C9orf85: variants seen among roughly 807,000 people sequenced by gnomAD.
The protein encoded by C9orf85 is chromosome 9 open reading frame 85, also known as uncharacterized protein C9orf85.
A neutral mutation model predicts 14.9 loss-of-function variants in C9orf85; 16 were observed. The ratio of observed to expected loss-of-function variants is 1.08; its 90% CI spans 0.73 to 1.63. C9orf85 has a LOEUF of 1.63. Ranked by LOEUF, C9orf85 falls within the 40% of genes most tolerant of loss-of-function variation. The pLI is 0.00. For synonymous variants in C9orf85, 45 were observed against 56.8 expected, an observed-to-expected ratio of 0.79 and a Z score of 0.93; for missense variants, 172 against 186.1, an observed-to-expected ratio of 0.92 and a Z score of 0.44.
At chr9:71,967,713 C>CTT (rs55750667) in intron 2 of C9orf85, among the ~76,000 whole-genome samples, 1,926 of 94,052 alleles carry the variant, frequency 0.02, 101 homozygotes, top group African/African-American at 0.077. Context: ...TATGACCTTT[C>CTT]TTTTTTTTTT....
At chr9:71,959,654 T>G (rs1418058318) in intron 2 of C9orf85, among the ~76,000 whole-genome samples, 3 of 152,140 alleles carry the variant, frequency 2.0e-5, no homozygotes, top group Non-Finnish European at 4.4e-5. Flanking sequence ...TTAAGTAGAG[T>G]TTTCCTTTAT....
chr9:71,971,863 AC>A (rs1822878702), intron 3 of C9orf85, among the ~76,000 whole-genome samples: 1 of 151,714 alleles, frequency 6.6e-6, no homozygotes, highest in African/African-American at 2.4e-5. Flanking sequence ...AATCCCAATT[AC>A]TCGGGAGTCT....
intron 1 of C9orf85, among the ~76,000 whole-genome samples, chr9:71,912,753 G>C (rs1004731801): frequency 1.3e-5 from 2 of 152,142 alleles, no homozygotes; most frequent in African/African-American, 4.8e-5. Flanking sequence ...ACGTGGTGAC[G>C]GGTGCCGGTA....
chr9:71,930,803 CAAAAAAAAAA>C (rs747596247), intron 1 of C9orf85, among the ~76,000 whole-genome samples: 8 of 61,038 alleles, frequency 1.3e-4, no homozygotes, highest in Admixed American at 3.5e-4. Flanking sequence ...GACCCTGTCT[CAAAAAAAAAA>C]AAAAAAAAAA....
intron 1 of C9orf85, among the ~76,000 whole-genome samples, chr9:71,913,109 C>T (rs1827557233): frequency 6.6e-6 from 1 of 152,108 alleles, no homozygotes; most frequent in Non-Finnish European, 1.5e-5. Context: ...GTCTCAAATG[C>T]AAATTTGTCA....
chr9:71,974,754 C>T (rs1395275233), downstream of C9orf85, among the ~76,000 whole-genome samples: 1 of 152,174 alleles, frequency 6.6e-6, no homozygotes, highest in Non-Finnish European at 1.5e-5. Context: ...ATTTTATCCC[C>T]TTGTTCATAG....
At chr9:71,931,758 T>C (rs1164200136) in intron 1 of C9orf85, among the ~76,000 whole-genome samples, 1 of 152,244 alleles carries the variant, frequency 6.6e-6, no homozygotes, top group Non-Finnish European at 1.5e-5. Context: ...TACTCTACAC[T>C]TGTCAGCGAT....
intron 2 of C9orf85, among the ~76,000 whole-genome samples, chr9:71,969,630 TGAG>T (rs1822804614): frequency 6.6e-6 from 1 of 152,224 alleles, no homozygotes; most frequent in African/African-American, 2.4e-5. Flanking sequence ...TTGTTTGCTT[TGAG>T]TTTAATTTAC....
At chr9:71,984,864 G>T (rs183813307), downstream of C9orf85, 8 of 152,384 alleles carry the variant, frequency 5.2e-5, no homozygotes, top group African/African-American at 1.9e-4. Flanking sequence ...ACTGGCCAGG[G>T]TGTCTCCTGA....
intron 1 of C9orf85, among the ~76,000 whole-genome samples, chr9:71,923,079 G>A (rs553504592): frequency 1.3e-5 from 2 of 152,280 alleles, no homozygotes; most frequent in Non-Finnish European, 2.9e-5. Flanking sequence ...GCAGTGAGCT[G>A]AGGTCGCGCC....
At chr9:71,916,475 G>A (rs951152525) in intron 1 of C9orf85, among the ~76,000 whole-genome samples, 2 of 151,896 alleles carry the variant, frequency 1.3e-5, no homozygotes, top group African/African-American at 4.8e-5. Flanking sequence ...ATGTTTTGCA[G>A]TTAAAAAATT....
chr9:71,933,880 C>T (rs568339794), intron 1 of C9orf85, among the ~76,000 whole-genome samples: 17 of 152,050 alleles, frequency 1.1e-4, no homozygotes, highest in African/African-American at 4.1e-4. Flanking sequence ...TTTTCTGATC[C>T]CGAATTTTTA....
intron 1 of C9orf85, among the ~76,000 whole-genome samples, chr9:71,933,623 T>C (rs1828121854): frequency 6.6e-6 from 1 of 152,190 alleles, no homozygotes; most frequent in African/African-American, 2.4e-5. Context: ...AATAGTAACT[T>C]AACACATGGC....
At chr9:71,952,395 C>T (rs377342665) in intron 2 of C9orf85, among the ~76,000 whole-genome samples, 2 of 152,172 alleles carry the variant, frequency 1.3e-5, no homozygotes, top group African/African-American at 2.4e-5. Flanking sequence ...GACGGAGTCT[C>T]GCTCTGTCGC....
At chr9:71,921,231 A>C (rs1827795529) in intron 1 of C9orf85, among the ~76,000 whole-genome samples, 1 of 152,182 alleles carries the variant, frequency 6.6e-6, no homozygotes, top group African/African-American at 2.4e-5. Flanking sequence ...TGCATTCTGT[A>C]GAGAATCTCC....
chr9:71,950,971 G>A (rs4745138), intron 2 of C9orf85, among the ~76,000 whole-genome samples: 142,417 of 152,236 alleles, frequency 0.94, 67,279 homozygotes, highest in East Asian at 1. Context: ...CCATTTGTTC[G>A]TGCGATCCAA....
intron 1 of C9orf85, chr9:71,941,667 T>A (rs1024157404): frequency 6.6e-6 from 1 of 152,154 alleles, no homozygotes; most frequent in African/African-American, 2.4e-5. Context: ...AGATAACAGA[T>A]ATACAGTACT....
intron 2 of C9orf85, among the ~76,000 whole-genome samples, chr9:71,964,177 G>C (rs1310993846): frequency 6.6e-6 from 1 of 152,122 alleles, no homozygotes; most frequent in Non-Finnish European, 1.5e-5. Flanking sequence ...AGCTAATCTG[G>C]TGGGGACGTG....
At chr9:71,924,498 AT>A (rs1184005292) in intron 1 of C9orf85, among the ~76,000 whole-genome samples, 1 of 152,172 alleles carries the variant, frequency 6.6e-6, no homozygotes, top group Non-Finnish European at 1.5e-5. Flanking sequence ...ATATGTAATA[AT>A]TTTCAAATGA....
Sources: gnomAD v4.1 joint callset for allele counts (sites outside exome capture counted in the v4.1 genomes callset) on GRCh38, gnomAD v4.1.1 for gene constraint, MANE v1.5 for transcripts, NCBI Gene and HGNC (gene_info 2026-07-23, HGNC 2026-07-21) for gene names.